The following MT2A variants were observed in gnomAD, a reference collection of about 807,000 sequenced individuals.
MT2A encodes the protein metallothionein-2.
A neutral mutation model predicts 9.9 loss-of-function variants in MT2A; 6 were observed. The ratio of observed to expected loss-of-function variants is 0.61; its 90% CI spans 0.33 to 1.20. The LOEUF is 1.20. Ranked by LOEUF, MT2A falls within the 50% of genes most tolerant of loss-of-function variation. The pLI is 0.04. For synonymous variants in MT2A, 27 were observed against 28.7 expected (o/e 0.94, Z 0.18); for missense variants, 57 against 78.2 (o/e 0.73, Z 1.02).
chr16:56,608,951 T>TA, intron 1 of MT2A, 41 bp from the exon 2 acceptor site: 2 of 1,601,740 alleles, frequency 1.2e-6, no homozygotes, highest in Non-Finnish European at 1.7e-6. Flanking sequence ...CTTGTTCAGG[T>TA]ATCCAGGGAC....
At chr16:56,609,186 T>A (rs1960003596) in intron 2 of MT2A, 77 bp from the exon 3 acceptor site, 3 of 1,613,060 alleles carry the variant, frequency 1.9e-6, no homozygotes, top group African/African-American at 1.3e-5. Flanking sequence ...TCCTCAGTGA[T>A]CCTTATCAGG....
Position 56,609,251 on chromosome 16 carries a change from G to A in MT2A, c.95-12G>A. The A allele has an allele frequency of 6.2e-7, 1 of 1,614,138 alleles. No homozygotes were observed. Among genetic ancestry groups the A allele is most frequent in the African/African-American group, 1.3e-5 (1 of 75,056 alleles). ...CTAGTACTCATCTCTGCCGCCTCCT[G>A]TCTGCCCCCAGGCTGCTGCTCCTGC... On this transcript the variant is annotated splice_polypyrimidine_tract_variant and intron_variant, in intron 2 of 2. Coordinates refer to ENST00000245185, the MANE Select transcript of MT2A (RefSeq NM_005953.5).
intron 1 of MT2A, 110 bp downstream of exon 1, chr16:56,608,793 A>T: frequency 6.7e-7 from 1 of 1,503,280 alleles, no homozygotes; most frequent in Non-Finnish European, 9.2e-7. Context: ...CTCCTTCCCA[A>T]AGAGTTTTGG....
chr16:56,608,890 G>T (rs1197625788), intron 1 of MT2A, 102 bp from the exon 2 acceptor site: 1 of 1,421,992 alleles, frequency 7.0e-7, no homozygotes, highest in African/African-American at 1.4e-5. Context: ...AAGTTCCCAG[G>T]AATCGGTTGT....
Position 56,609,014 on chromosome 16 carries a change from C to T in MT2A, c.51C>T (p.Gly17=). The T allele has an allele frequency of 1.2e-6, 2 of 1,614,246 alleles. No homozygotes were observed. The highest frequency in any genetic ancestry group is 8.5e-7 in the Non-Finnish European group (1 of 1,180,046). ...CAGGTGACTCCTGCACCTGCGCCGGCTCCTGCAAATGCAAAGAGTGCAAAT... is the reference window on the plus strand; with the variant it reads ...CAGGTGACTCCTGCACCTGCGCCGGTTCCTGCAAATGCAAAGAGTGCAAAT... ...CAAGDSCTCA[G]SCKCKECKCT... The change falls in exon 2 of 3, where the codon GGC becomes GGT. Residue 17 remains glycine (G), a synonymous_variant. Transcript: ENST00000245185.
At chr16:56,608,706 T>C in intron 1 of MT2A, 23 bp downstream of exon 1, 2 of 1,614,162 alleles carry the variant, frequency 1.2e-6, no homozygotes, top group Non-Finnish European at 1.7e-6. Context: ...GGATGCCCAG[T>C]GTAGACTGTA....
At chr16:56,608,742 C>T in intron 1 of MT2A, 59 bp downstream of exon 1, 3 of 1,605,626 alleles carry the variant, frequency 1.9e-6, no homozygotes, top group Non-Finnish European at 2.6e-6. Flanking sequence ...TTTCTGACCC[C>T]TCTTTCTTTC....
chr16:56,609,337 T>C lies in MT2A; in HGVS notation c.169T>C (p.Cys57Arg), dbSNP rs776150957. 9 of 1,614,192 alleles carry C rather than the reference T, an allele frequency of 5.6e-6. No individual in the cohort carries two copies. In the Admixed American group the frequency reaches 1.5e-4, roughly 27 times the overall value. ...CATCTGCAAAGGGGCGTCGGACAAG[T>C]GCAGCTGCTGCGCCTGATGCTGGGA... ...GCICKGASDK[C>R]SCCA The change falls in exon 3 of 3, where the codon TGC becomes CGC. Residue 57 changes from cysteine to arginine, a missense_variant. Cys to Arg is a radical substitution (Grantham distance 180). Coordinates refer to ENST00000245185, the MANE Select transcript of MT2A (RefSeq NM_005953.5).
Position 56,608,979 on chromosome 16 carries a change from T to C in MT2A, c.29-13T>C. The C allele has an allele frequency of 6.2e-7, 1 of 1,614,028 alleles. No individual in the cohort carries two copies. The highest frequency in any genetic ancestry group is 8.5e-7 in the Non-Finnish European group (1 of 1,179,980). On this transcript the variant is annotated splice_polypyrimidine_tract_variant and intron_variant, in intron 1 of 2. Transcript: ENST00000245185. ...CCAGGGACGGTTCTCACCTCTGTCT[T>C]TTCTCCTTGCAGGTGACTCCTGCAC...
At position 56,609,263 on chromosome 16, in the gene MT2A, G is replaced by A. The variant is rs1567338091; in HGVS notation, c.95G>A (p.Ser32Asn). Residue 32 changes from serine (S) to asparagine (N), a missense_variant and splice_region_variant, in exon 3 of 3, where the codon AGC becomes AAC. Ser to Asn is a conservative substitution (Grantham distance 46). Coordinates refer to ENST00000245185, the MANE Select transcript of MT2A (RefSeq NM_005953.5). ...KECKCTSCKK[S>N]CCSCCPVGCA... Reference sequence around the variant, plus strand: ...TCTGCCGCCTCCTGTCTGCCCCCAGGCTGCTGCTCCTGCTGCCCTGTGGGC... The same window carrying A: ...TCTGCCGCCTCCTGTCTGCCCCCAGACTGCTGCTCCTGCTGCCCTGTGGGC... 1.9e-6 allele frequency: 3 copies of A among 1,614,192 alleles called. No homozygotes were observed. The South Asian group carries it at 3.3e-5, about 18-fold the overall frequency.
chr16:56,608,961 C>T (rs759975792), intron 1 of MT2A, 31 bp from the exon 2 acceptor site: 1 of 1,612,784 alleles, frequency 6.2e-7, no homozygotes, highest in South Asian at 1.1e-5. Context: ...TATCCAGGGA[C>T]GGTTCTCACC....
Position 56,608,589 on chromosome 16 carries a change from G to C in MT2A, c.-67G>C, listed in dbSNP as rs989306976. 1 of 1,601,930 alleles carries C rather than the reference G, an allele frequency of 6.2e-7. No homozygotes were observed. Among genetic ancestry groups the C allele is most frequent in the South Asian group, 1.1e-5 (1 of 90,830 alleles). ...TGCTTGCCGCGCTGCACTCCACCAC[G>C]CCTCCTCCAAGTCCCAGCGAACCCG... is the stretch of plus-strand genomic sequence containing the variant. On this transcript the variant is annotated 5_prime_UTR_variant, in exon 1 of 3. Transcript: ENST00000245185.
chr16:56,608,947 C>G, intron 1 of MT2A, 45 bp from the exon 2 acceptor site: 1 of 1,596,708 alleles, frequency 6.3e-7, no homozygotes, highest in Non-Finnish European at 8.6e-7. Flanking sequence ...GTCCCTTGTT[C>G]AGGTATCCAG....
intron 1 of MT2A, 91 bp from the exon 2 acceptor site, chr16:56,608,901 G>A: frequency 6.8e-7 from 1 of 1,474,438 alleles, no homozygotes; most frequent in Non-Finnish European, 9.4e-7. Flanking sequence ...AATCGGTTGT[G>A]GACTGAGGAA....
At position 56,609,430 on chromosome 16, in the gene MT2A, C is replaced by A. The variant is rs1960008172; in HGVS notation, c.*76C>A. On this transcript the variant is annotated 3_prime_UTR_variant, in exon 3 of 3. Transcript: ENST00000245185. ...TGGATTTTTTATGTACAACCCTGAC[C>A]GTGACCGTTTGCTATATTCCTTTTT... is the stretch of plus-strand genomic sequence containing the variant. 3 of 1,534,270 alleles carry A rather than the reference C, an allele frequency of 2.0e-6. No individual in the cohort carries two copies. The highest frequency in any genetic ancestry group is 1.2e-5 in the South Asian group (1 of 81,454).
chr16:56,609,175 C>T, intron 2 of MT2A, 88 bp from the exon 3 acceptor site: 1 of 1,612,298 alleles, frequency 6.2e-7, no homozygotes. Context: ...AAATTGTTGC[C>T]TCCTCAGTGA....
At chr16:56,608,840 C>G in intron 1 of MT2A, 152 bp from the exon 2 acceptor site, 1 of 1,321,526 alleles carries the variant, frequency 7.6e-7, no homozygotes, top group Non-Finnish European at 1.1e-6. Context: ...TTCGGAGCCC[C>G]CTTTTTACCG....
Position 56,609,323 on chromosome 16 carries a change from G to C in MT2A, c.155G>C (p.Gly52Ala), listed in dbSNP as rs769120027. 1 of 1,614,108 alleles carries C rather than the reference G, an allele frequency of 6.2e-7. No individual in the cohort carries two copies. The highest frequency in any genetic ancestry group is 1.7e-5 in the Admixed American group (1 of 60,014). ...AKCAQGCICKGASDKCSCCA is the reference protein window; with the variant it reads ...AKCAQGCICKAASDKCSCCA ...TGTGCCCAGGGCTGCATCTGCAAAG[G>C]GGCGTCGGACAAGTGCAGCTGCTGC... The change falls in exon 3 of 3, where the codon GGG becomes GCG. Residue 52 changes from glycine (G) to alanine (A), a missense_variant. Physicochemically the swap from Gly to Ala is moderately conservative, Grantham distance 60. Coordinates refer to ENST00000245185, the MANE Select transcript of MT2A (RefSeq NM_005953.5).
rs559553296 is a variant in MT2A at position 56,609,360 on chromosome 16, G to A, written c.*6G>A. The A allele has an allele frequency of 6.5e-5, 105 of 1,613,786 alleles. 3 individuals carry two copies. In the South Asian group the frequency reaches 1.1e-3, roughly 17 times the overall value. On this transcript the variant is annotated 3_prime_UTR_variant, in exon 3 of 3. Coordinates refer to ENST00000245185, the MANE Select transcript of MT2A (RefSeq NM_005953.5). ...AGTGCAGCTGCTGCGCCTGATGCTG[G>A]GACAGCCCCGCTCCCAGATGTAAAG...
Sources: allele counts gnomAD v4.1 joint callset, GRCh38; gene constraint gnomAD v4.1.1; transcripts MANE v1.5; gene names NCBI Gene and HGNC (gene_info 2026-07-23, HGNC 2026-07-21).